ITGB2: variants seen among roughly 807,000 people sequenced by gnomAD.
ITGB2 encodes the protein integrin subunit beta 2, also known as integrin beta-2.
A neutral mutation model predicts 86.8 loss-of-function variants in ITGB2; 56 were observed. That is an observed-to-expected ratio of 0.65 (90% CI 0.52 to 0.81). The LOEUF is 0.81. Ranked by LOEUF, ITGB2 falls within the 30% of genes least tolerant of loss-of-function variation. The pLI is 0.00. For missense variants in ITGB2, 948 were observed against 1,061.2 expected (o/e 0.89, Z 1.48); for synonymous variants, 457 against 450.4 (o/e 1.01, Z -0.19).
At chr21:44,899,237 C>T (rs759253983) in intron 7 of ITGB2, 75 bp from the exon 8 acceptor site, 85 of 1,114,832 alleles carry the variant, frequency 7.6e-5, no homozygotes, top group Middle Eastern at 2.0e-4. Context: ...CTGTCTGCCC[C>T]GCTCAGCGTC....
chr21:44,917,998 C>G (rs949903286), intron 1 of ITGB2, among the ~76,000 whole-genome samples: 8 of 152,232 alleles, frequency 5.3e-5, no homozygotes, highest in South Asian at 2.1e-4. Flanking sequence ...ATGCAACCAC[C>G]TAATCAATGC....
At chr21:44,903,094 C>T (rs2083989319) in intron 5 of ITGB2, among the ~76,000 whole-genome samples, 2 of 152,202 alleles carry the variant, frequency 1.3e-5, no homozygotes, top group South Asian at 4.1e-4. Flanking sequence ...GTCTTTTAAA[C>T]ATACCAAGAA....
chr21:44,889,797 C>G (rs2146499210), intron 12 of ITGB2, among the ~76,000 whole-genome samples, 181 bp downstream of exon 12: 1 of 152,340 alleles, frequency 6.6e-6, no homozygotes, highest in African/African-American at 2.4e-5. Context: ...GAAACTGAGG[C>G]AGGGCGGGGT....
chr21:44,894,863 G>A, intron 9 of ITGB2, 108 bp downstream of exon 9: 1 of 829,752 alleles, frequency 1.2e-6, no homozygotes, highest in East Asian at 2.5e-5. Flanking sequence ...CGGGGCAGGG[G>A]CTTTCCTCCC....
chr21:44,919,065 A>G (rs1201714055), intron 1 of ITGB2, among the ~76,000 whole-genome samples: 1 of 68,158 alleles, frequency 1.5e-5, no homozygotes, highest in Non-Finnish European at 2.7e-5. Context: ...GGGAGTGGAA[A>G]CTCATACGCT....
intron 7 of ITGB2, 48 bp downstream of exon 7, chr21:44,900,271 CA>C: frequency 3.1e-6 from 5 of 1,612,168 alleles, no homozygotes; most frequent in Non-Finnish European, 4.2e-6. Flanking sequence ...TCTCCTCCGT[CA>C]GTGGTGTCCT....
At chr21:44,911,100 A>T in intron 1 of ITGB2, 1 of 482,758 alleles carries the variant, frequency 2.1e-6, no homozygotes. Context: ...CCACACATGC[A>T]CGTGTACGTG....
In ITGB2 at chr21:44,886,848, A is replaced by T; in HGVS notation, c.2135T>A (p.Ile712Asn). 1 of 1,613,584 alleles carries T rather than the reference A, an allele frequency of 6.2e-7. No homozygotes were observed. The highest frequency in any genetic ancestry group is 8.5e-7 in the Non-Finnish European group (1 of 1,179,988). ...AAIVGGTVAG[I>N]VLIGILLLVI... Reference sequence around the variant, plus strand: ...CAGCAGGAGAATGCCGATCAGCACGATGCCTGCCACGGTGCCCCCGACGAT... The same window carrying T: ...CAGCAGGAGAATGCCGATCAGCACGTTGCCTGCCACGGTGCCCCCGACGAT... The change falls in exon 15 of 16, where the codon ATC becomes AAC. Residue 712 changes from isoleucine to asparagine, a missense_variant. By Grantham distance (149) the Ile-to-Asn change is moderately radical. Coordinates refer to ENST00000652462, the MANE Select transcript of ITGB2 (RefSeq NM_000211.5).
chr21:44,905,321 C>A (rs1231398316), intron 4 of ITGB2, among the ~76,000 whole-genome samples: 1 of 152,172 alleles, frequency 6.6e-6, no homozygotes, highest in African/African-American at 2.4e-5. Flanking sequence ...CTACCCTCAC[C>A]TGCATCCACC....
chr21:44,925,801 G>A (rs375654091), upstream of ITGB2, among the ~76,000 whole-genome samples: 13 of 152,258 alleles, frequency 8.5e-5, no homozygotes, highest in East Asian at 1.9e-3. Flanking sequence ...GTTAGAGGCC[G>A]GGCGCGGGGG....
chr21:44,907,086 C>A lies in ITGB2; in HGVS notation c.157G>T (p.Gly53Trp). Residue 53 changes from glycine (G) to tryptophan (W), a missense_variant, in exon 4 of 16, where the codon GGG becomes TGG. Transcript: ENST00000652462. ...CTWCQKLNFT[G>W]PGDPDSIRCD... is the part of the protein sequence containing the mutation. The stretch of plus-strand genomic sequence containing the variant: ...CGAATGGAGTCAGGATCCCCCGGCC[C>A]TGTGAAGTTCTGGGGAGGGGGAGTC... The A allele has an allele frequency of 1.2e-6, 2 of 1,600,020 alleles. No individual in the cohort carries two copies. The highest frequency in any genetic ancestry group is 1.3e-5 in the African/African-American group (1 of 74,804).
At chr21:44,887,580 T>C (rs180318) in intron 14 of ITGB2, among the ~76,000 whole-genome samples, 105,597 of 151,652 alleles carry the variant, frequency 0.7, 38,096 homozygotes, top group African/African-American at 0.89. Flanking sequence ...CATCCTGATC[T>C]GCACCCTCAC....
intron 9 of ITGB2, chr21:44,894,446 C>T (rs1453213502): frequency 5.0e-6 from 1 of 200,320 alleles, no homozygotes; most frequent in Non-Finnish European, 1.0e-5. Flanking sequence ...CTACCTATGC[C>T]CACCAGGGCC....
Position 44,906,916 on chromosome 21 carries a change from T to G in ITGB2, c.327A>C (p.Pro109=), listed in dbSNP as rs199932521. 1 of 1,614,070 alleles carries G rather than the reference T, an allele frequency of 6.2e-7. No homozygotes were observed. The highest frequency in any genetic ancestry group is 1.1e-5 in the South Asian group (1 of 91,092). The change falls in exon 4 of 16, where the codon CCA becomes CCC. Residue 109 remains proline (P), a splice_region_variant and synonymous_variant. Transcript: ENST00000652462. ...CACCACCACCGAGGCCAAGCCTACC[T>G]GGTCGCAGGTAAAGCGTCACTTTTT... The part of the protein sequence containing the change: ...SPQKVTLYLR[P]GQAAAFNVTF...
intron 13 of ITGB2, 44 bp from the exon 14 acceptor site, chr21:44,888,939 G>A: frequency 6.3e-7 from 1 of 1,580,706 alleles, no homozygotes; most frequent in Non-Finnish European, 8.6e-7. Context: ...GGTGTGCGGG[G>A]GCTCCGGCAA....
In ITGB2 at chr21:44,902,421, G is replaced by A. The variant is rs937084538; in HGVS notation, c.500-688C>T. Among the ~76,000 whole-genome samples the A allele has an allele frequency of 7.9e-5, 12 of 151,238 alleles. 1 individual carries two copies. Among genetic ancestry groups the A allele is most frequent in the African/African-American group, 1.2e-4 (5 of 41,044 alleles). On this transcript the variant is annotated intron_variant, in intron 5 of 15. Transcript: ENST00000652462. Reference sequence around the variant, plus strand: ...CATTTGTGCATGTGAGCATACATTCGCGTGTGTGAGCATGCATTTGCGTGT... The same window carrying A: ...CATTTGTGCATGTGAGCATACATTCACGTGTGTGAGCATGCATTTGCGTGT...
intron 1 of ITGB2, among the ~76,000 whole-genome samples, chr21:44,916,187 C>T (rs1331576800): frequency 3.3e-5 from 5 of 152,158 alleles, no homozygotes; most frequent in Non-Finnish European, 4.4e-5. Context: ...TCCCAAAGTG[C>T]TGGGATTACA....
rs538051748 is a variant in ITGB2 at position 44,889,584 on chromosome 21, C to T, written c.1658-89G>A. On this transcript the variant is annotated intron_variant, in intron 12 of 15. Coordinates refer to ENST00000652462, the MANE Select transcript of ITGB2 (RefSeq NM_000211.5). ...CCCACTGCGGTTGCTCCCTCCGGCC[C>T]GCCTGCCTCCTCCAGCCTGGGGGAT... 1.3e-5 allele frequency: 15 copies of T among 1,171,618 alleles called. 2 individuals are homozygous for T. In the South Asian group the frequency reaches 1.6e-4, roughly 12 times the overall value. 72.6% of individuals were successfully genotyped at this position (1,171,618 alleles called of 1,614,324 possible).
Position 44,900,250 on chromosome 21 carries a change from C to T in ITGB2, c.897+70G>A, listed in dbSNP as rs2083931170. 3 of 1,594,404 alleles carry T rather than the reference C, an allele frequency of 1.9e-6. No homozygotes were observed. In the Admixed American group the frequency reaches 5.0e-5, roughly 27 times the overall value. ...AGAAGGAGGCTCTGTCAGGTGGAGACCCCACCCTTGTCTCCTCCGTCAGTG... is the reference window on the plus strand; with the variant it reads ...AGAAGGAGGCTCTGTCAGGTGGAGATCCCACCCTTGTCTCCTCCGTCAGTG... On this transcript the variant is annotated intron_variant, in intron 7 of 15. Transcript: ENST00000652462.
Sources: gnomAD v4.1 joint callset for allele counts (sites outside exome capture counted in the v4.1 genomes callset) on GRCh38, gnomAD v4.1.1 for gene constraint, MANE v1.5 for transcripts, NCBI Gene and HGNC (gene_info 2026-07-23, HGNC 2026-07-21) for gene names.